The following TTN variants were observed in gnomAD, a reference collection of about 807,000 sequenced individuals.
The protein encoded by TTN is connectin.
In TTN, 1,525 loss-of-function variants were observed where a neutral mutation model predicts 3,223.0. That is an observed-to-expected ratio of 0.47 (90% CI 0.45 to 0.49). TTN has a LOEUF of 0.49. Ranked by LOEUF, TTN falls within the 20% of genes least tolerant of loss-of-function variation. The probability of loss-of-function intolerance (pLI) is 0.00; values close to 1 mark genes in which losing one functional copy is unlikely to be tolerated. For missense variants in TTN, 40,786 were observed against 43,424.0 expected, an observed-to-expected ratio of 0.94 and a Z score of 5.40; for synonymous variants, 14,094 against 15,161.0, an observed-to-expected ratio of 0.93 and a Z score of 5.17.
intron 112 of TTN, among the ~76,000 whole-genome samples, chr2:178,698,402 A>T (rs2074114830): frequency 6.6e-6 from 1 of 152,224 alleles, no homozygotes; most frequent in Admixed American, 6.5e-5. Context: ...AAAAATGTTA[A>T]GTATTTGAGG....
Position 178,777,012 on chromosome 2 carries a change from C to T in TTN, c.4852G>A (p.Asp1618Asn), listed in dbSNP as rs794727465. 4.3e-6 allele frequency: 7 copies of T among 1,613,840 alleles called. No homozygotes were observed. Among genetic ancestry groups the T allele is most frequent in the Non-Finnish European group, 5.9e-6 (7 of 1,179,996 alleles). The change falls in exon 28 of 363, where the codon GAT (aspartate) becomes AAT (asparagine). Residue 1618 changes from aspartate to asparagine, a missense_variant. By Grantham distance (23) the Asp-to-Asn change is conservative. Transcript: ENST00000589042. ...GTKGEAALKI[D>N]STVSQDSAWY... Reference sequence around the variant, plus strand: ...GCAGAATCTTGGCTGACAGTGGAATCGATTTTAAGGGCAGCTTCTCCCTTG... The same window carrying T: ...GCAGAATCTTGGCTGACAGTGGAATTGATTTTAAGGGCAGCTTCTCCCTTG...
chr2:178,538,137 C>T, intron 354 of TTN: 1 of 559,928 alleles, frequency 1.8e-6, no homozygotes, highest in Non-Finnish European at 3.1e-6. Context: ...GTGTTTTTTT[C>T]TCTTTATGAT....
chr2:178,750,536 A>G (rs1197016200), intron 47 of TTN: 1 of 1,612,512 alleles, frequency 6.2e-7, no homozygotes, highest in South Asian at 1.1e-5. Context: ...ACCTTCATAA[A>G]CTTCTTGAGA....
chr2:178,612,776 G>A lies in TTN; in HGVS notation c.49945C>T (p.Leu16649=), dbSNP rs2056584496. 1 of 1,608,502 alleles carries A rather than the reference G, an allele frequency of 6.2e-7. No individual in the cohort carries two copies. Among genetic ancestry groups the A allele is most frequent in the Non-Finnish European group, 8.5e-7 (1 of 1,177,898 alleles). Residue 16649 remains leucine (L), a synonymous_variant, in exon 265 of 363, where the codon CTA becomes TTA. Transcript: ENST00000589042. ...PSDPVLCREK[L]YPPSPPRWLE... ...CCAGACATCAAGAGTGACTTACATA[G>A]CTTCTCCCGGCAAAGCACAGGGTCA... is the stretch of plus-strand genomic sequence containing the variant.
In TTN at chr2:178,785,940, C is replaced by G. The variant is rs987809081; in HGVS notation, c.2278G>C (p.Val760Leu). The G allele has an allele frequency of 6.2e-7, 1 of 1,614,112 alleles. No individual in the cohort carries two copies. The highest frequency in any genetic ancestry group is 8.5e-7 in the Non-Finnish European group (1 of 1,180,006). The change falls in exon 14 of 363, where the codon GTC (valine) becomes CTC (leucine). Residue 760 changes from valine (V) to leucine (L), a missense_variant. By Grantham distance (32) the Val-to-Leu change is conservative (BLOSUM62 1). Transcript: ENST00000589042. Reference sequence around the variant, plus strand: ...ACTCTAGGCTTGACTGCTTTAGGGACAACGTGGGGTTCTGAGGCTGGACGT... The same window carrying G: ...ACTCTAGGCTTGACTGCTTTAGGGAGAACGTGGGGTTCTGAGGCTGGACGT... ...PQRPASEPHV[V>L]PKAVKPRVIQ...
rs113391261 is a variant in TTN, at chr2:178,718,729, G to A, written c.24471C>T (p.Gly8157=). 9.6e-4 allele frequency: 1,544 copies of A among 1,613,744 alleles called. 21 individuals carry two copies. In the African/African-American group the frequency reaches 0.018, roughly 19 times the overall value. The part of the protein sequence containing the change: ...DYSCLVTNDA[G]SASCTTHLFV... ...AAAGATGTGTGGTACAGGAAGCACT[G>A]CCAGCATCATTTGTAACGAGGCAAG... The change falls in exon 84 of 363, where the codon GGC becomes GGT. Residue 8157 remains glycine (G), a synonymous_variant. Transcript: ENST00000589042.
In TTN at chr2:178,615,428, A is replaced by G; in HGVS notation, c.48517T>C (p.Phe16173Leu). 6.2e-7 allele frequency: 1 copy of G among 1,612,622 alleles called. No individual in the cohort carries two copies. The highest frequency in any genetic ancestry group is 8.5e-7 in the Non-Finnish European group (1 of 1,179,008). The change falls in exon 259 of 363, where the codon TTC (phenylalanine) becomes CTC (leucine). Residue 16173 changes from phenylalanine to leucine, a missense_variant. Transcript: ENST00000589042. ...KWRDRTANSI[F>L]LTWDPPKNDG... ...TTTTTAGGTGGATCCCATGTTAAGA[A>G]GATGCTATTGGCTGTTCGATCTCTC...
rs756346411 is a variant in TTN at position 178,531,540 on chromosome 2, G to A, written c.105075C>T (p.Asp35025=). 9.3e-6 allele frequency: 15 copies of A among 1,613,942 alleles called. No individual in the cohort carries two copies. The East Asian group carries it at 1.1e-4, about 12-fold the overall frequency. The change falls in exon 358 of 363, where the codon GAC becomes GAT. Residue 35025 remains aspartate (D), a synonymous_variant. Transcript: ENST00000589042. ...CTCCTGTCACGTCCAACGTTGCATA[G>A]TCAGAAGCTTCGCCCTTGTAGTTGG... ...VCTNYKGEAS[D]YATLDVTGGD...
chr2:178,735,049 G>A, intron 50 of TTN, 61 bp from the exon 51 acceptor site: 8 of 1,460,028 alleles, frequency 5.5e-6, no homozygotes, highest in Non-Finnish European at 7.2e-6. Flanking sequence ...CTCCGCAAAA[G>A]AAAAGTAGAC....
chr2:178,555,035 T>A lies in TTN; in HGVS notation c.88424A>T (p.Tyr29475Phe). The A allele has an allele frequency of 1.2e-6, 2 of 1,613,794 alleles. No homozygotes were observed. Among genetic ancestry groups the A allele is most frequent in the Non-Finnish European group, 1.7e-6 (2 of 1,179,830 alleles). The change falls in exon 331 of 363, where the codon TAT (tyrosine) becomes TTT (phenylalanine). Residue 29475 changes from tyrosine (Y) to phenylalanine (F), a missense_variant. By Grantham distance (22) the Tyr-to-Phe change is conservative. Coordinates refer to ENST00000589042, the MANE Select transcript of TTN (RefSeq NM_001267550.2). ...GGTTTGTAATTCTTTATCATCTTTA[T>A]ACCACTCAATAGTAGGCGCAGGTTT... ...SGKPAPTIEWYKDDKELQTNA... is the reference protein window; with the variant it reads ...SGKPAPTIEWFKDDKELQTNA...
chr2:178,724,465 C>A lies in TTN; in HGVS notation c.20910G>T (p.Lys6970Asn). ...CAGAGAGTTCCGGAGTGCCAGCCAC[C>A]TTACACTCCAGAGTGCACGTTTCTC... The part of the protein sequence containing the change: ...TVGETCTLEC[K>N]VAGTPELSVE... Residue 6970 changes from lysine (K) to asparagine (N), a missense_variant, in exon 72 of 363, where the codon AAG becomes AAT. By Grantham distance (94) the Lys-to-Asn change is moderately conservative. Transcript: ENST00000589042. The A allele has an allele frequency of 6.2e-7, 1 of 1,613,286 alleles. No homozygotes were observed. Among genetic ancestry groups the A allele is most frequent in the Non-Finnish European group, 8.5e-7 (1 of 1,179,494 alleles).
rs375002174 is a variant in TTN at position 178,534,328 on chromosome 2, G to A, written c.102287C>T (p.Thr34096Ile). ...CATGTTGAGGTCTTTCTTGATCAGG[G>A]TGTGGTAATAACGCCGGTGTTTTAA... ...RTLKHRRYYH[T>I]LIKKDLNMVV... Residue 34096 changes from threonine (T) to isoleucine (I), a missense_variant, in exon 358 of 363, where the codon ACC becomes ATC. Thr to Ile is a moderately conservative substitution (Grantham distance 89, BLOSUM62 -1). Coordinates refer to ENST00000589042, the MANE Select transcript of TTN (RefSeq NM_001267550.2). The A allele has an allele frequency of 6.2e-6, 10 of 1,613,120 alleles. No individual in the cohort carries two copies. In the South Asian group the frequency reaches 1.1e-4, roughly 18 times the overall value.
At position 178,576,085 on chromosome 2, in the gene TTN, C is replaced by G. The variant is rs774136558; in HGVS notation, c.70047G>C (p.Glu23349Asp). Reference protein sequence around the residue: ...EMAPDFELDAELRRTLVVRAG... With the variant: ...EMAPDFELDADLRRTLVVRAG... Reference sequence around the variant, plus strand: ...CTCTAACAACAAGTGTTCTTCGAAGCTCGGCATCTAGTTCAAAATCAGGAG... The same window carrying G: ...CTCTAACAACAAGTGTTCTTCGAAGGTCGGCATCTAGTTCAAAATCAGGAG... Residue 23349 changes from glutamate (E) to aspartate (D), a missense_variant, in exon 326 of 363, where the codon GAG (glutamate) becomes GAC (aspartate). By Grantham distance (45) the Glu-to-Asp change is conservative (BLOSUM62 2). Transcript: ENST00000589042. This position sits in a 1 kb window ranked among gnomAD's most constrained non-coding sequence, Gnocchi z 4.3. The G allele has an allele frequency of 5.6e-6, 9 of 1,613,376 alleles. No individual in the cohort carries two copies. In the East Asian group the frequency reaches 2.0e-4, roughly 36 times the overall value.
At chr2:178,755,935 C>A (rs538498396) in intron 46 of TTN, among the ~76,000 whole-genome samples, 1 of 152,278 alleles carries the variant, frequency 6.6e-6, no homozygotes, top group South Asian at 2.1e-4. Flanking sequence ...GCTACACTTT[C>A]TTGGTAGTGC....
rs1304179435 is a variant in TTN at position 178,768,731 on chromosome 2, A to C, written c.9105T>G (p.Ala3035=). Residue 3035 remains alanine, a synonymous_variant, in exon 38 of 363, where the codon GCT becomes GCG. Transcript: ENST00000589042. The part of the protein sequence containing the change: ...LNIRNVHFGD[A]ADYTFVAGKA... ...TTCCAGCCACAAAGGTGTAGTCAGC[A>C]GCATCCCCAAAGTGAACATTCCTGA... 1 of 1,614,016 alleles carries C rather than the reference A, an allele frequency of 6.2e-7. No individual in the cohort carries two copies. The highest frequency in any genetic ancestry group is 1.3e-5 in the African/African-American group (1 of 74,944).
At chr2:178,627,235 A>T (rs1252086121) in intron 240 of TTN, among the ~76,000 whole-genome samples, 1 of 151,996 alleles carries the variant, frequency 6.6e-6, no homozygotes, top group African/African-American at 2.4e-5. Flanking sequence ...CTGACAGCCA[A>T]AAACAACTAC....
At chr2:178,639,843 T>C in intron 222 of TTN, 55 bp from the exon 223 acceptor site, 1 of 1,508,698 alleles carries the variant, frequency 6.6e-7, no homozygotes, top group Non-Finnish European at 8.9e-7. Context: ...CCTAAAAACT[T>C]ATTTGGTAGC....
chr2:178,551,087 T>C lies in TTN; in HGVS notation c.91444A>G (p.Thr30482Ala). 1.2e-6 allele frequency: 2 copies of C among 1,613,410 alleles called. No homozygotes were observed. The highest frequency in any genetic ancestry group is 1.7e-6 in the Non-Finnish European group (2 of 1,179,626). ...TCCCCAGGACTGAGTCCTGTAACTGTGTACTGACATTCACTGACGTCAGTA... is the reference window on the plus strand; with the variant it reads ...TCCCCAGGACTGAGTCCTGTAACTGCGTACTGACATTCACTGACGTCAGTA... ...NFTDVSECQY[T>A]VTGLSPGDRY... is the part of the protein sequence containing the mutation. Residue 30482 changes from threonine (T) to alanine (A), a missense_variant, in exon 336 of 363, where the codon ACA (threonine) becomes GCA (alanine). Coordinates refer to ENST00000589042, the MANE Select transcript of TTN (RefSeq NM_001267550.2).
At position 178,527,696 on chromosome 2, in the gene TTN, T is replaced by G; in HGVS notation, c.107430A>C (p.Thr35810=). ...GAGACGAGAAGCTTCCTTGCAAGCT[T>G]GTGTCACCACTTGTTCTCAATACTA... ...REVVLRTSGD[T]SLQGSFSSQS... The change falls in exon 362 of 363, where the codon ACA becomes ACC. Residue 35810 remains threonine (T), a synonymous_variant. Coordinates refer to ENST00000589042, the MANE Select transcript of TTN (RefSeq NM_001267550.2). 1.2e-6 allele frequency: 2 copies of G among 1,613,010 alleles called. No individual in the cohort carries two copies. Among genetic ancestry groups the G allele is most frequent in the South Asian group, 2.2e-5 (2 of 91,054 alleles).
Sources: allele counts gnomAD v4.1 joint callset (sites outside exome capture counted in the v4.1 genomes callset), GRCh38; gene constraint gnomAD v4.1.1; non-coding constraint Gnocchi (gnomAD v3.1); transcripts MANE v1.5; gene names NCBI Gene and HGNC (gene_info 2026-07-23, HGNC 2026-07-21).